Variants in SLC25A31 observed in about 807,000 individuals in gnomAD.
SLC25A31 encodes solute carrier family 25 member 31.
A neutral mutation model predicts 36.2 loss-of-function variants in SLC25A31; 40 were observed. That is an observed-to-expected ratio of 1.10 (90% CI 0.86 to 1.44). The LOEUF (loss-of-function observed/expected upper bound fraction) is 1.44. Ranked by LOEUF, SLC25A31 falls within the 40% of genes most tolerant of loss-of-function variation. The pLI, the probability that SLC25A31 is intolerant of heterozygous loss-of-function variation, is 0.00. For missense variants in SLC25A31, 350 were observed against 397.1 expected (o/e 0.88, Z 1.01); for synonymous variants, 143 against 149.7 (o/e 0.96, Z 0.32).
chr4:127,770,867 C>T (rs556860527), intron 5 of SLC25A31, among the ~76,000 whole-genome samples: 1 of 151,844 alleles, frequency 6.6e-6, no homozygotes, highest in African/African-American at 2.4e-5. Flanking sequence ...ACTTGGTTTC[C>T]TCTGAAGACC....
chr4:127,773,629 C>T lies in SLC25A31; in HGVS notation c.*55C>T. Reference sequence around the variant, plus strand: ...TTTAACTTGTTAAACATACAAATTACATAGCTGCCATTTGCATACATTTTG... The same window carrying T: ...TTTAACTTGTTAAACATACAAATTATATAGCTGCCATTTGCATACATTTTG... On this transcript the variant is annotated 3_prime_UTR_variant, in exon 6 of 6. Coordinates refer to ENST00000281154, the MANE Select transcript of SLC25A31 (RefSeq NM_031291.4). 1 of 1,357,728 alleles carries T rather than the reference C, an allele frequency of 7.4e-7. No homozygotes were observed. Among genetic ancestry groups the T allele is most frequent in the South Asian group, 1.5e-5 (1 of 64,796 alleles). 84.1% of individuals were successfully genotyped at this position (1,357,728 alleles called of 1,614,324 possible).
intron 1 of SLC25A31, among the ~76,000 whole-genome samples, chr4:127,735,883 TATTTATTTATTTA>T (rs1353935429): frequency 3.2e-4 from 23 of 71,576 alleles, no homozygotes; most frequent in African/African-American, 1.2e-3. Flanking sequence ...TTTATTTATT[TATTTATTTATTTA>T]TTTTTTTTTT....
chr4:127,743,257 A>G (rs765391715), intron 1 of SLC25A31, among the ~76,000 whole-genome samples: 1 of 151,406 alleles, frequency 6.6e-6, no homozygotes, highest in Non-Finnish European at 1.5e-5. Flanking sequence ...CAGCCTCCTG[A>G]GTAGTTGGAA....
chr4:127,735,623 G>GT (rs1348159895), intron 1 of SLC25A31, among the ~76,000 whole-genome samples: 4 of 151,960 alleles, frequency 2.6e-5, no homozygotes, highest in African/African-American at 9.7e-5. Flanking sequence ...CCAAATAAAA[G>GT]TTTTTAAATG....
At chr4:127,739,500 C>T (rs1731693471) in intron 1 of SLC25A31, among the ~76,000 whole-genome samples, 1 of 152,094 alleles carries the variant, frequency 6.6e-6, no homozygotes. Flanking sequence ...ATGATCTGAC[C>T]TTTTCCTTTA....
At chr4:127,758,179 T>A (rs940683835) in intron 2 of SLC25A31, among the ~76,000 whole-genome samples, 2 of 152,204 alleles carry the variant, frequency 1.3e-5, no homozygotes, top group Non-Finnish European at 2.9e-5. Context: ...ATGTGGGAAT[T>A]CTGGGAGATA....
At chr4:127,759,647 C>G (rs1021858363) in intron 2 of SLC25A31, among the ~76,000 whole-genome samples, 15 of 152,092 alleles carry the variant, frequency 9.9e-5, no homozygotes, top group African/African-American at 2.7e-4. Flanking sequence ...TGGTTAACCT[C>G]TGTTAAACTA....
chr4:127,738,512 C>T (rs1254190026), intron 1 of SLC25A31, among the ~76,000 whole-genome samples: 1 of 152,182 alleles, frequency 6.6e-6, no homozygotes, highest in African/African-American at 2.4e-5. Flanking sequence ...TTTATGGAGA[C>T]TTGCTTTATG....
In SLC25A31 at chr4:127,743,916, C is replaced by T. The variant is rs530882394; in HGVS notation, c.233-756C>T. On this transcript the variant is annotated intron_variant, in intron 1 of 5. Coordinates refer to ENST00000281154, the MANE Select transcript of SLC25A31 (RefSeq NM_031291.4). The stretch of plus-strand genomic sequence containing the variant: ...GGTGCTAGAGGTATCCTGTTCAGAA[C>T]AGCAAGGCCAAAGCATTTTACAATT... Among the ~76,000 whole-genome samples, 7 of 152,328 alleles carry T rather than the reference C, an allele frequency of 4.6e-5. No individual in the cohort carries two copies. The South Asian group carries it at 1.2e-3, about 27-fold the overall frequency.
At chr4:127,758,089 T>C (rs937549470) in intron 2 of SLC25A31, among the ~76,000 whole-genome samples, 3 of 152,140 alleles carry the variant, frequency 2.0e-5, no homozygotes, top group African/African-American at 2.4e-5. Context: ...ATGAGACTTA[T>C]TTACTATCAT....
At chr4:127,752,205 G>T (rs1030037909) in intron 2 of SLC25A31, among the ~76,000 whole-genome samples, 1 of 152,088 alleles carries the variant, frequency 6.6e-6, no homozygotes, top group African/African-American at 2.4e-5. Flanking sequence ...TTAAGAAAAC[G>T]TGGCACATAT....
intron 3 of SLC25A31, among the ~76,000 whole-genome samples, chr4:127,766,466 A>G (rs1732246969): frequency 6.6e-6 from 1 of 151,218 alleles, no homozygotes; most frequent in Admixed American, 6.6e-5. Context: ...GTGCCCTGCC[A>G]ATTTTTCCTT....
At chr4:127,741,342 G>A (rs1043190383) in intron 1 of SLC25A31, among the ~76,000 whole-genome samples, 19 of 152,148 alleles carry the variant, frequency 1.2e-4, no homozygotes, top group Non-Finnish European at 2.6e-4. Context: ...CACTGAGTAT[G>A]TTATCTGTGA....
chr4:127,737,594 G>A (rs570288548), intron 1 of SLC25A31, among the ~76,000 whole-genome samples: 2 of 149,914 alleles, frequency 1.3e-5, no homozygotes, highest in Admixed American at 6.7e-5. Flanking sequence ...CTGCTCCATC[G>A]CCCAGGCTGG....
At chr4:127,744,399 C>G (rs1731785129) in intron 1 of SLC25A31, among the ~76,000 whole-genome samples, 1 of 152,126 alleles carries the variant, frequency 6.6e-6, no homozygotes, top group Non-Finnish European at 1.5e-5. Context: ...TTCTGTTTAT[C>G]TACTAGTAAA....
chr4:127,771,402 T>C (rs2148766758), intron 5 of SLC25A31, among the ~76,000 whole-genome samples: 1 of 152,330 alleles, frequency 6.6e-6, no homozygotes, highest in Non-Finnish European at 1.5e-5. Context: ...ATATATGATT[T>C]TAACAATTCA....
chr4:127,742,273 A>G (rs1731745827), intron 1 of SLC25A31, among the ~76,000 whole-genome samples: 1 of 152,170 alleles, frequency 6.6e-6, no homozygotes, highest in African/African-American at 2.4e-5. Flanking sequence ...CGTATTTGTC[A>G]TATCTGAGTT....
chr4:127,739,691 C>G (rs894390326), intron 1 of SLC25A31, among the ~76,000 whole-genome samples: 3 of 151,994 alleles, frequency 2.0e-5, no homozygotes, highest in Admixed American at 1.3e-4. Context: ...GGGTTGTTTA[C>G]TTTTTCTGTT....
At chr4:127,753,158 ATTTAAATGGAAGC>A (rs1381250379) in intron 2 of SLC25A31, among the ~76,000 whole-genome samples, 14 of 152,182 alleles carry the variant, frequency 9.2e-5, no homozygotes, top group South Asian at 2.1e-4. Context: ...CTTGAGAGAA[ATTTAAATGGAAGC>A]ACAACATAGC....
Sources: gnomAD v4.1 joint callset for allele counts (sites outside exome capture counted in the v4.1 genomes callset) on GRCh38, gnomAD v4.1.1 for gene constraint, MANE v1.5 for transcripts, NCBI Gene and HGNC (gene_info 2026-07-23, HGNC 2026-07-21) for gene names.